The following FNBP4 variants were observed in gnomAD, a reference collection of about 807,000 sequenced individuals.
FNBP4 encodes formin-binding protein 4.
A neutral mutation model predicts 119.3 loss-of-function variants in FNBP4; 34 were observed. That is an observed-to-expected ratio of 0.28 (90% confidence interval 0.22 to 0.38). The LOEUF is 0.38. FNBP4 is among the 10% of genes least tolerant of loss of function. The pLI is 1.00. For missense variants in FNBP4, 1,112 were observed against 1,228.9 expected (o/e 0.90, Z 1.42); for synonymous variants, 462 against 430.6 (o/e 1.07, Z -0.90).
At chr11:47,719,524 A>G (rs2097553061) in intron 16 of FNBP4, among the ~76,000 whole-genome samples, 1 of 151,912 alleles carries the variant, frequency 6.6e-6, no homozygotes, top group Non-Finnish European at 1.5e-5. Context: ...TGTGTATAAA[A>G]GGGTCTAATT....
chr11:47,754,209 G>GA (rs540739941), intron 3 of FNBP4, among the ~76,000 whole-genome samples: 357 of 108,048 alleles, frequency 3.3e-3, no homozygotes, highest in Middle Eastern at 5.1e-3. Context: ...TCTATCTCAA[G>GA]AAAAAAAAAA....
chr11:47,765,461 A>C (rs2097645429), intron 1 of FNBP4, 99 bp from the exon 2 acceptor site: 6 of 834,994 alleles, frequency 7.2e-6, no homozygotes, highest in Non-Finnish European at 1.1e-5. Flanking sequence ...AGAGGTGACA[A>C]ACCAACCTTT....
chr11:47,736,504 G>T, intron 9 of FNBP4, 112 bp downstream of exon 9: 1 of 804,990 alleles, frequency 1.2e-6, no homozygotes, highest in Admixed American at 3.0e-5. Context: ...AGGTTGCAGT[G>T]AGCTGAGATC....
chr11:47,732,288 G>A lies in FNBP4; in HGVS notation c.1820+249C>T, dbSNP rs954719087. ...CCGCCCTACTCCGTGCAACACTCTG[G>A]AGAGTAAAAACCAGCTTTGTCCATA... On this transcript the variant is annotated intron_variant, in intron 11 of 16. Transcript: ENST00000263773. This position sits in a 1 kb window ranked among gnomAD's most constrained non-coding sequence, Gnocchi z 4.2. The A allele has an allele frequency of 7.4e-6, 10 of 1,352,676 alleles. No individual in the cohort carries two copies. The Admixed American group carries it at 2.2e-4, about 30-fold the overall frequency. The allele number at this position is 1,352,676 out of a possible 1,614,324, so 83.8% of individuals were successfully genotyped here.
Position 47,724,744 on chromosome 11 carries a change from A to C in FNBP4, c.2043T>G (p.Val681=). ...SLCKESFSGQ[V]SSSSLMPLTP... ...TAAGTGGCATGAGTGATGAAGAAGA[A>C]ACTTGACCAGAAAAGGATTCTTTAC... Residue 681 remains valine (V), a synonymous_variant, in exon 13 of 17, where the codon GTT becomes GTG. Coordinates refer to ENST00000263773, the MANE Select transcript of FNBP4 (RefSeq NM_015308.5). 1 of 1,580,204 alleles carries C rather than the reference A, an allele frequency of 6.3e-7. No homozygotes were observed. The highest frequency in any genetic ancestry group is 8.6e-7 in the Non-Finnish European group (1 of 1,161,948).
intron 8 of FNBP4, among the ~76,000 whole-genome samples, chr11:47,741,473 A>G (rs1415992638): frequency 1.3e-5 from 2 of 151,788 alleles, no homozygotes; most frequent in African/African-American, 4.9e-5. Flanking sequence ...ATTGATGCAC[A>G]TAACTATGGT....
At chr11:47,722,457 G>A (rs924266312) in intron 15 of FNBP4, among the ~76,000 whole-genome samples, 6 of 152,058 alleles carry the variant, frequency 3.9e-5, no homozygotes, top group Admixed American at 2.6e-4. Context: ...ACAAGTAGGA[G>A]TTGACATGAC....
At chr11:47,749,752 G>A (rs1467824345) in intron 6 of FNBP4, among the ~76,000 whole-genome samples, 4 of 152,040 alleles carry the variant, frequency 2.6e-5, no homozygotes, top group Admixed American at 2.6e-4. Flanking sequence ...TTTGAGCACT[G>A]ACATGATGAT....
chr11:47,721,669 C>A (rs2097555793), intron 15 of FNBP4, among the ~76,000 whole-genome samples: 1 of 151,918 alleles, frequency 6.6e-6, no homozygotes, highest in South Asian at 2.1e-4. Context: ...AATATTTTTT[C>A]TTTTCGCTTA....
chr11:47,739,921 G>A (rs1472427194), intron 8 of FNBP4, among the ~76,000 whole-genome samples: 2 of 151,584 alleles, frequency 1.3e-5, no homozygotes, highest in Non-Finnish European at 2.9e-5. Context: ...TGGGATTACA[G>A]GCATGCGCCA....
Position 47,724,237 on chromosome 11 carries a change from CCT to C in FNBP4, c.2320-67_2320-66del, listed in dbSNP as rs2097558692. ...GGTTAAACATAGCCCGCTCCCACCTCCTTTTTTTGAGACAGGCTCTCATTCTG... is the reference window on the plus strand; with the variant it reads ...GGTTAAACATAGCCCGCTCCCACCTCTTTTTTGAGACAGGCTCTCATTCTG... On this transcript the variant is annotated intron_variant, in intron 13 of 16. Coordinates refer to ENST00000263773, the MANE Select transcript of FNBP4 (RefSeq NM_015308.5). The C allele has an allele frequency of 1.8e-5, 28 of 1,581,132 alleles. No individual in the cohort carries two copies. In the South Asian group the frequency reaches 3.3e-4, roughly 18 times the overall value.
At chr11:47,737,284 T>G (rs7478773) in intron 8 of FNBP4, among the ~76,000 whole-genome samples, 151,606 of 152,286 alleles carry the variant, frequency 1, 75,468 homozygotes, top group Middle Eastern at 1. Flanking sequence ...AAATTACCCT[T>G]AAGTTTCTGC....
At chr11:47,743,123 A>G (rs910423819) in intron 8 of FNBP4, among the ~76,000 whole-genome samples, 4 of 152,064 alleles carry the variant, frequency 2.6e-5, no homozygotes, top group African/African-American at 7.2e-5. Flanking sequence ...CACGATCCAT[A>G]AAAGTATTTT....
intron 12 of FNBP4, chr11:47,729,707 C>G (rs928654795): frequency 4.0e-5 from 39 of 985,128 alleles, no homozygotes; most frequent in Non-Finnish European, 4.5e-5. Flanking sequence ...TCTGAAGAGA[C>G]AGGGCATTGC....
intron 6 of FNBP4, among the ~76,000 whole-genome samples, chr11:47,750,712 A>G (rs12803426): frequency 2.9e-3 from 310 of 106,640 alleles, no homozygotes; most frequent in Middle Eastern, 0.018. Context: ...AAAAAAAAAA[A>G]AAAAAGAAAA....
rs1282104799 is a variant in FNBP4 at position 47,724,451 on chromosome 11, C to T, written c.2319+17G>A. The stretch of plus-strand genomic sequence containing the variant: ...CAGTCCTCAAAATCACTCAGAATGC[C>T]AAAGGGAATTACTTACCTGGCTAGT... On this transcript the variant is annotated intron_variant, in intron 13 of 16. Coordinates refer to ENST00000263773, the MANE Select transcript of FNBP4 (RefSeq NM_015308.5). The T allele has an allele frequency of 6.2e-7, 1 of 1,614,020 alleles. No individual in the cohort carries two copies. Among genetic ancestry groups the T allele is most frequent in the Admixed American group, 1.7e-5 (1 of 59,996 alleles).
At chr11:47,750,463 G>A (rs2097600014) in intron 6 of FNBP4, among the ~76,000 whole-genome samples, 1 of 147,142 alleles carries the variant, frequency 6.8e-6, no homozygotes, top group Admixed American at 7.0e-5. Context: ...GCCAAGGCAG[G>A]CGGATCATGA....
intron 8 of FNBP4, among the ~76,000 whole-genome samples, chr11:47,740,317 A>AGGCCGGG (rs1554981622): frequency 4.6e-5 from 7 of 151,534 alleles, no homozygotes; most frequent in African/African-American, 1.2e-4. Context: ...CGGGAGGCTG[A>AGGCCGGG]GATAGAACTG....
chr11:47,750,808 A>G, intron 6 of FNBP4, 108 bp downstream of exon 6: 1 of 1,171,950 alleles, frequency 8.5e-7, no homozygotes, highest in Non-Finnish European at 1.2e-6. Context: ...AACTTATCCT[A>G]TTTCACATGT....
Sources: allele counts gnomAD v4.1 joint callset (sites outside exome capture counted in the v4.1 genomes callset), GRCh38; gene constraint gnomAD v4.1.1; non-coding constraint Gnocchi (gnomAD v3.1); transcripts MANE v1.5; gene names NCBI Gene and HGNC (gene_info 2026-07-23, HGNC 2026-07-21).